Variants in IL18BP observed in about 807,000 individuals in gnomAD.
IL18BP encodes the protein interleukin-18-binding protein.
In IL18BP, 23 loss-of-function variants were observed where a neutral mutation model predicts 19.9. That is an observed-to-expected ratio of 1.15 (90% CI 0.83 to 1.64). The LOEUF is 1.64. Ranked by LOEUF, IL18BP falls within the 40% of genes most tolerant of loss-of-function variation. The pLI is 0.00. For synonymous variants in IL18BP, 107 were observed against 101.0 expected (o/e 1.06, Z -0.35); for missense variants, 239 against 240.7 (o/e 0.99, Z 0.05).
At chr11:71,999,419 G>A (rs893437117) in intron 1 of IL18BP, 32 of 244,572 alleles carry the variant, frequency 1.3e-4, no homozygotes, top group Admixed American at 3.6e-4. Flanking sequence ...GGGGTGGCAT[G>A]GGGGTAGATT....
downstream of IL18BP, chr11:72,004,416 G>C (rs570711217): frequency 2.3e-4 from 315 of 1,376,404 alleles, no homozygotes; most frequent in African/African-American, 4.0e-3. Context: ...TGTCCTCTCA[G>C]AGCTGAGTGG....
chr11:72,002,153 A>C lies in IL18BP; in HGVS notation c.*292A>C. ...GCTCTACTGCTCAGAAACCACCAAG[A>C]CTGTTGATGCCTTAGCCTTGCACTC... On this transcript the variant is annotated 3_prime_UTR_variant, in exon 6 of 6. Transcript: ENST00000393703. 2.0e-6 allele frequency: 1 copy of C among 490,150 alleles called. No individual in the cohort carries two copies. Among genetic ancestry groups the C allele is most frequent in the Non-Finnish European group, 3.7e-6 (1 of 273,542 alleles). The allele number at this position is 490,150 out of a possible 1,614,324, so 30.4% of individuals were successfully genotyped here.
At position 72,002,266 on chromosome 11, in the gene IL18BP, C is replaced by CT; in HGVS notation, c.*406dup. On this transcript the variant is annotated 3_prime_UTR_variant, in exon 6 of 6. Transcript: ENST00000393703. ...CCAGACAGCTCCCACTCCCATGTCTCTGCTCATTTAGTCCCGTCTTCCTCA... is the reference window on the plus strand; with the variant it reads ...CCAGACAGCTCCCACTCCCATGTCTCTTGCTCATTTAGTCCCGTCTTCCTCA... 4.5e-6 allele frequency: 1 copy of CT among 221,204 alleles called. No individual in the cohort carries two copies. The highest frequency in any genetic ancestry group is 8.9e-6 in the Non-Finnish European group (1 of 111,736). 13.7% of individuals were successfully genotyped at this position (221,204 alleles called of 1,614,324 possible).
chr11:72,004,617 C>CAT, downstream of IL18BP: 1 of 1,607,108 alleles, frequency 6.2e-7, no homozygotes, highest in Non-Finnish European at 8.5e-7. Flanking sequence ...GCTGGAGTAA[C>CAT]ACCCAGGAGC....
downstream of IL18BP, chr11:72,007,598 G>A (rs1955830209): frequency 1.2e-6 from 1 of 867,906 alleles, no homozygotes; most frequent in Non-Finnish European, 1.8e-6. Context: ...CTTGACCTGG[G>A]CCTTCCTTTC....
downstream of IL18BP, chr11:72,007,456 G>C (rs1331787027): frequency 6.2e-7 from 1 of 1,611,868 alleles, no homozygotes; most frequent in Non-Finnish European, 8.5e-7. Context: ...GAAACCTGCT[G>C]AGGTACAGTC....
downstream of IL18BP, chr11:72,003,031 A>G (rs573497858): frequency 3.4e-5 from 8 of 237,770 alleles, no homozygotes; most frequent in South Asian, 1.0e-3. Context: ...CTCCTGAGAC[A>G]TAGGGCCCAT....
rs1955287584 is a variant in IL18BP, at chr11:72,002,119, C to G, written c.*258C>G. The G allele has an allele frequency of 1.7e-6, 1 of 585,200 alleles. No homozygotes were observed. Among genetic ancestry groups the G allele is most frequent in the East Asian group, 2.9e-5 (1 of 34,990 alleles). 36.3% of individuals were successfully genotyped at this position (585,200 alleles called of 1,614,324 possible). A position where few individuals can be genotyped will look rare whatever the true frequency, so the allele number is the denominator to read the frequency against. ...CCATTAGCCTTCCTAACGTCCTACT[C>G]CTCACACTGCTCTACTGCTCAGAAA... On this transcript the variant is annotated 3_prime_UTR_variant, in exon 6 of 6. Coordinates refer to ENST00000393703, the MANE Select transcript of IL18BP (RefSeq NM_001039660.2).
chr11:72,005,838 G>A, downstream of IL18BP: 1 of 592,532 alleles, frequency 1.7e-6, no homozygotes, highest in Non-Finnish European at 3.0e-6. Flanking sequence ...CTCTGGCTAA[G>A]AGTGCCCCCA....
At chr11:72,003,825 C>T (rs1038679809), downstream of IL18BP, 218 of 1,542,076 alleles carry the variant, frequency 1.4e-4, no homozygotes, top group Non-Finnish European at 1.8e-4. Flanking sequence ...CTTGGTGGGG[C>T]GGTCTGGGGG....
downstream of IL18BP, chr11:72,007,557 C>T: frequency 7.8e-7 from 1 of 1,275,938 alleles, no homozygotes; most frequent in Admixed American, 2.3e-5. Flanking sequence ...CAGCCCATCT[C>T]TCTGATTTTT....
chr11:72,003,382 G>GCATCA (rs1955392814), downstream of IL18BP: 2 of 790,844 alleles, frequency 2.5e-6, no homozygotes, highest in Non-Finnish European at 4.4e-6. Flanking sequence ...ACCAGGCCAG[G>GCATCA]GTGCGGGCAG....
At chr11:72,003,808 G>T, downstream of IL18BP, 2 of 1,459,366 alleles carry the variant, frequency 1.4e-6, no homozygotes, top group Non-Finnish European at 9.5e-7. Context: ...CCCCATCTTG[G>T]ATGCTACTTG....
downstream of IL18BP, chr11:72,005,396 A>G: frequency 6.3e-7 from 1 of 1,599,472 alleles, no homozygotes; most frequent in African/African-American, 1.4e-5. Flanking sequence ...AGTGGGAACA[A>G]ATGAGCCTGG....
chr11:72,007,373 G>A, downstream of IL18BP: 1 of 1,613,862 alleles, frequency 6.2e-7, no homozygotes, highest in South Asian at 1.1e-5. Context: ...CAGGCGCTGG[G>A]AGATAGGTGA....
intron 3 of IL18BP, among the ~76,000 whole-genome samples, chr11:72,000,990 ACCATTCCTC>A (rs1955188113): frequency 6.6e-6 from 1 of 152,220 alleles, no homozygotes; most frequent in Non-Finnish European, 1.5e-5. Context: ...TGAACCAAGG[ACCATTCCTC>A]ACATTCCCCG....
In IL18BP at chr11:72,001,294, T is replaced by A. The variant is rs1303228042; in HGVS notation, c.329T>A (p.Leu110His). The A allele has an allele frequency of 6.2e-7, 1 of 1,614,184 alleles. No homozygotes were observed. Among genetic ancestry groups the A allele is most frequent in the Admixed American group, 1.7e-5 (1 of 60,020 alleles). The change falls in exon 4 of 6, where the codon CTC becomes CAC. Residue 110 changes from leucine to histidine, a missense_variant. By Grantham distance (99) the Leu-to-His change is moderately conservative. Coordinates refer to ENST00000393703, the MANE Select transcript of IL18BP (RefSeq NM_001039660.2). ...WLGNGSFIEH[L>H]PGRLWEGSTS... is the part of the protein sequence containing the mutation. Reference sequence around the variant, plus strand: ...GGCAATGGTTCCTTCATTGAGCACCTCCCAGGCCGACTGTGGGAGGGGAGC... The same window carrying A: ...GGCAATGGTTCCTTCATTGAGCACCACCCAGGCCGACTGTGGGAGGGGAGC...
chr11:72,005,200 T>TG, downstream of IL18BP: 1 of 1,539,480 alleles, frequency 6.5e-7, no homozygotes. Context: ...AGGGCAGGGA[T>TG]GGGAGGCCCT....
At chr11:72,007,245 T>TA, downstream of IL18BP, 1 of 1,612,978 alleles carries the variant, frequency 6.2e-7, no homozygotes, top group Non-Finnish European at 8.5e-7. Flanking sequence ...GAGCGGGTCT[T>TA]ACGACCCGAG....
Sources: allele counts gnomAD v4.1 joint callset (sites outside exome capture counted in the v4.1 genomes callset), GRCh38; gene constraint gnomAD v4.1.1; transcripts MANE v1.5; gene names NCBI Gene and HGNC (gene_info 2026-07-23, HGNC 2026-07-21).